The following EXTL2 variants were observed in gnomAD, a reference collection of about 807,000 sequenced individuals.
The protein encoded by EXTL2 is exostosin-like 2.
A neutral mutation model predicts 30.7 loss-of-function variants in EXTL2; 23 were observed. The ratio of observed to expected loss-of-function variants is 0.75; its 90% CI spans 0.54 to 1.06. EXTL2 has a LOEUF of 1.06. Ranked by LOEUF, EXTL2 falls within the 50% of genes least tolerant of loss-of-function variation. The pLI, the probability that EXTL2 is intolerant of heterozygous loss-of-function variation, is 0.00. For missense variants in EXTL2, 352 were observed against 396.3 expected, an observed-to-expected ratio of 0.89 and a Z score of 0.95; for synonymous variants, 123 against 133.8, an observed-to-expected ratio of 0.92 and a Z score of 0.56.
chr1:100,893,286 GA>G (rs1162129545), intron 1 of EXTL2, among the ~76,000 whole-genome samples: 1 of 150,120 alleles, frequency 6.7e-6, no homozygotes, highest in African/African-American at 2.5e-5. Flanking sequence ...CAGAGTTGAA[GA>G]ATCATTTTTG....
At chr1:100,880,214 A>G (rs1570460175) in intron 2 of EXTL2, among the ~76,000 whole-genome samples, 1 of 152,166 alleles carries the variant, frequency 6.6e-6, no homozygotes, top group Non-Finnish European at 1.5e-5. Flanking sequence ...CATACTCTCC[A>G]TGATAGGACA....
chr1:100,877,492 A>T lies in EXTL2; in HGVS notation c.417T>A (p.Pro139=), dbSNP rs1363196813. Residue 139 remains proline, a synonymous_variant, in exon 3 of 5, where the codon CCT becomes CCA. Coordinates refer to ENST00000370114, the MANE Select transcript of EXTL2 (RefSeq NM_001033025.3). The surrounding 1 kb of genome is among the most constrained non-coding windows in gnomAD (Gnocchi z 4.1). ...GCAACTCACCATTGGTTTCCAGTTC[A>T]GGAAAGACCTGGAGTCGATTTCTCA... ...NRMRNRLQVF[P]ELETNAVLMV... is the part of the protein sequence containing the mutation. 1 of 1,599,052 alleles carries T rather than the reference A, an allele frequency of 6.3e-7. No homozygotes were observed. The highest frequency in any genetic ancestry group is 8.5e-7 in the Non-Finnish European group (1 of 1,172,606).
rs529432876 is a variant in EXTL2 at position 100,872,572 on chromosome 1, A to C, written c.*1370T>G. 8.5e-5 allele frequency: 13 copies of C among 152,564 alleles called. No individual in the cohort carries two copies. The highest frequency in any genetic ancestry group is 3.9e-4 in the East Asian group (2 of 5,162). The allele number at this position is 152,564 out of a possible 1,614,324, so 9.5% of individuals were successfully genotyped here. On this transcript the variant is annotated 3_prime_UTR_variant, in exon 5 of 5. Coordinates refer to ENST00000370114, the MANE Select transcript of EXTL2 (RefSeq NM_001033025.3). Reference sequence around the variant, plus strand: ...ATATACTCTTTAATGTAAAAAAAAAACCATCATATGCGGAACTAAATGCAC... The same window carrying C: ...ATATACTCTTTAATGTAAAAAAAAACCCATCATATGCGGAACTAAATGCAC...
intron 2 of EXTL2, among the ~76,000 whole-genome samples, chr1:100,883,572 A>C (rs1649732745): frequency 6.6e-6 from 1 of 152,222 alleles, no homozygotes; most frequent in Admixed American, 6.5e-5. Context: ...CATGAGGTAT[A>C]TATCAGTACC....
At chr1:100,884,691 C>G (rs929057996) in intron 2 of EXTL2, among the ~76,000 whole-genome samples, 2 of 152,126 alleles carry the variant, frequency 1.3e-5, no homozygotes, top group Non-Finnish European at 2.9e-5. Context: ...TACTCCCTGC[C>G]CCTCAAATCT....
At chr1:100,890,108 T>C (rs528117777) in intron 1 of EXTL2, among the ~76,000 whole-genome samples, 48 of 152,344 alleles carry the variant, frequency 3.2e-4, no homozygotes, top group African/African-American at 1.2e-3. Context: ...GGCATTTCCA[T>C]ACATCCTCTG....
At chr1:100,890,586 C>A (rs1451680748) in intron 1 of EXTL2, among the ~76,000 whole-genome samples, 1 of 152,152 alleles carries the variant, frequency 6.6e-6, no homozygotes, top group Admixed American at 6.5e-5. Flanking sequence ...AAATTCAGAT[C>A]ATCTCTCTCA....
chr1:100,892,093 T>C (rs1030054876), intron 1 of EXTL2, among the ~76,000 whole-genome samples: 12 of 152,330 alleles, frequency 7.9e-5, no homozygotes, highest in African/African-American at 2.6e-4. Flanking sequence ...AAGGTTAATA[T>C]TGTCAACTTG....
chr1:100,884,385 A>C (rs1175671909), intron 2 of EXTL2, among the ~76,000 whole-genome samples: 1 of 152,240 alleles, frequency 6.6e-6, no homozygotes, highest in Non-Finnish European at 1.5e-5. Context: ...CCAAGAGATA[A>C]AATCATTCCA....
At chr1:100,886,633 A>G (rs1003700370) in intron 2 of EXTL2, among the ~76,000 whole-genome samples, 13 of 152,220 alleles carry the variant, frequency 8.5e-5, no homozygotes, top group African/African-American at 3.1e-4. Flanking sequence ...GCTATTATCA[A>G]TTAACTAGAG....
chr1:100,887,697 G>A (rs995039843), intron 2 of EXTL2, among the ~76,000 whole-genome samples: 1 of 151,960 alleles, frequency 6.6e-6, no homozygotes, highest in African/African-American at 2.4e-5. Flanking sequence ...GAGCTACATT[G>A]TATTTTCTTT....
At chr1:100,880,824 A>C in intron 2 of EXTL2, 2 of 311,664 alleles carry the variant, frequency 6.4e-6, no homozygotes, top group Non-Finnish European at 9.3e-6. Flanking sequence ...ACATTTTAAA[A>C]CTTACATAGA....
At chr1:100,891,566 T>A (rs1456694417) in intron 1 of EXTL2, among the ~76,000 whole-genome samples, 1 of 152,178 alleles carries the variant, frequency 6.6e-6, no homozygotes, top group Non-Finnish European at 1.5e-5. Context: ...GAGTCAAAAC[T>A]GTCCTTTTAT....
chr1:100,875,597 T>A (rs1278972017), intron 4 of EXTL2, among the ~76,000 whole-genome samples: 3 of 152,026 alleles, frequency 2.0e-5, no homozygotes, highest in Non-Finnish European at 2.9e-5. Flanking sequence ...CACAGATGAA[T>A]GTCTACTCGA....
chr1:100,876,289 A>AAAAACAAAACAAAAT (rs1649113319), intron 4 of EXTL2, among the ~76,000 whole-genome samples: 1 of 152,088 alleles, frequency 6.6e-6, no homozygotes, highest in South Asian at 2.1e-4. Context: ...TGATTTAGGA[A>AAAAACAAAACAAAAT]AAAACAAAAC....
At chr1:100,876,007 A>G (rs973184117) in intron 4 of EXTL2, among the ~76,000 whole-genome samples, 2 of 152,120 alleles carry the variant, frequency 1.3e-5, no homozygotes, top group African/African-American at 4.8e-5. Flanking sequence ...AAATGCTGAT[A>G]TCTGCTGAGT....
rs533137135 is a variant in EXTL2 at position 100,892,680 on chromosome 1, T to C, written c.-72+1953A>G. Among the ~76,000 whole-genome samples the C allele has an allele frequency of 1.2e-4, 18 of 152,312 alleles. No individual in the cohort carries two copies. In the East Asian group the frequency reaches 3.3e-3, roughly 28 times the overall value. On this transcript the variant is annotated intron_variant, in intron 1 of 4. Coordinates refer to ENST00000370114, the MANE Select transcript of EXTL2 (RefSeq NM_001033025.3). Reference sequence around the variant, plus strand: ...TATAAGGATCCAGAAGCAAAATAAATGCACACGATCCCAACTATCTAATGT... The same window carrying C: ...TATAAGGATCCAGAAGCAAAATAAACGCACACGATCCCAACTATCTAATGT...
intron 1 of EXTL2, among the ~76,000 whole-genome samples, chr1:100,893,126 A>G (rs533527477): frequency 6.6e-6 from 1 of 152,334 alleles, no homozygotes; most frequent in South Asian, 2.1e-4. Flanking sequence ...AGATATAAAA[A>G]CATATTTAAA....
intron 2 of EXTL2, among the ~76,000 whole-genome samples, chr1:100,887,946 G>A (rs1241075369): frequency 2.0e-5 from 3 of 151,972 alleles, no homozygotes; most frequent in African/African-American, 7.3e-5. Flanking sequence ...TGATCCGCCC[G>A]CTTTGGCCTC....
Sources: gnomAD v4.1 joint callset for allele counts (sites outside exome capture counted in the v4.1 genomes callset) on GRCh38, gnomAD v4.1.1 for gene constraint, Gnocchi (gnomAD v3.1) non-coding constraint, MANE v1.5 for transcripts, NCBI Gene and HGNC (gene_info 2026-07-23, HGNC 2026-07-21) for gene names.